Variants in PPARGC1A observed in about 807,000 individuals in gnomAD.
PPARGC1A encodes peroxisome proliferator-activated receptor gamma coactivator 1-alpha.
PPARGC1A carries 25 observed loss-of-function variants against 88.7 expected under a neutral mutation model. That is an observed-to-expected ratio of 0.28 (90% CI 0.21 to 0.39). The LOEUF (loss-of-function observed/expected upper bound fraction) is 0.39. PPARGC1A is among the 10% of genes least tolerant of loss of function. The probability of loss-of-function intolerance (pLI) is 1.00; values close to 1 mark genes in which losing one functional copy is unlikely to be tolerated. For missense variants in PPARGC1A, 880 were observed against 968.7 expected (o/e 0.91, Z 1.22); for synonymous variants, 363 against 355.6 (o/e 1.02, Z -0.24).
At chr4:23,875,056 A>G (rs1478599170) in intron 2 of PPARGC1A, among the ~76,000 whole-genome samples, 1 of 152,234 alleles carries the variant, frequency 6.6e-6, no homozygotes, top group Non-Finnish European at 1.5e-5. Flanking sequence ...ACAAACCTTG[A>G]CCAACTTTGC....
the PPARGC1A span, among the ~76,000 whole-genome samples, chr4:23,979,865 C>G: frequency 6.6e-6 from 1 of 152,122 alleles, no homozygotes; most frequent in Non-Finnish European, 1.5e-5. Flanking sequence ...TAGTGGATAT[C>G]TCCTCTCTCC....
At chr4:24,444,841 C>T in the PPARGC1A span, among the ~76,000 whole-genome samples, 2 of 152,098 alleles carry the variant, frequency 1.3e-5, no homozygotes. Context: ...ATGGCTTGAG[C>T]ACAGGGGTTT....
the PPARGC1A span, among the ~76,000 whole-genome samples, chr4:24,081,051 T>C: frequency 6.6e-6 from 1 of 152,108 alleles, no homozygotes; most frequent in African/African-American, 2.4e-5. Flanking sequence ...ACATTAATGA[T>C]GCAAGAAAAG....
the PPARGC1A span, among the ~76,000 whole-genome samples, chr4:24,125,530 C>T: frequency 6.6e-6 from 1 of 152,174 alleles, no homozygotes; most frequent in Non-Finnish European, 1.5e-5. Flanking sequence ...CCAGTCTACT[C>T]CCATTGATGC....
At chr4:24,448,820 A>C in the PPARGC1A span, among the ~76,000 whole-genome samples, 2 of 152,186 alleles carry the variant, frequency 1.3e-5, no homozygotes, top group South Asian at 4.1e-4. Context: ...AAAATTAGGG[A>C]AGAAGGGAGG....
chr4:23,908,293 TCTCA>T (rs145866161), upstream of PPARGC1A, among the ~76,000 whole-genome samples: 725 of 152,300 alleles, frequency 4.8e-3, 33 homozygotes, highest in East Asian at 0.098. Context: ...TGCAGTAATT[TCTCA>T]CTCAGAATAA....
chr4:24,072,441 C>T, the PPARGC1A span, among the ~76,000 whole-genome samples: 1 of 151,686 alleles, frequency 6.6e-6, no homozygotes, highest in Non-Finnish European at 1.5e-5. Context: ...CTTCTGATGC[C>T]ATATTTTCTA....
chr4:24,259,714 G>A, the PPARGC1A span, among the ~76,000 whole-genome samples: 5 of 152,088 alleles, frequency 3.3e-5, no homozygotes, highest in Admixed American at 3.3e-4. Context: ...GGCACTCCAC[G>A]AATATCGATT....
At chr4:23,817,059 G>A (rs550160353) in intron 7 of PPARGC1A, among the ~76,000 whole-genome samples, 3 of 152,132 alleles carry the variant, frequency 2.0e-5, no homozygotes, top group East Asian at 3.9e-4. Flanking sequence ...AGTGTCTGCC[G>A]CACGCCACTT....
chr4:24,049,308 G>GTGTGTATATATATA, the PPARGC1A span, among the ~76,000 whole-genome samples: 63 of 139,550 alleles, frequency 4.5e-4, no homozygotes, highest in South Asian at 2.4e-3. Flanking sequence ...ATATATGTGT[G>GTGTGTATATATATA]TATATATATA....
chr4:23,798,027 C>A (rs1057395888), intron 12 of PPARGC1A, among the ~76,000 whole-genome samples: 2 of 152,144 alleles, frequency 1.3e-5, no homozygotes, highest in African/African-American at 4.8e-5. Context: ...CTCATCCTGG[C>A]TCAAAAGCTC....
chr4:24,090,208 T>C, the PPARGC1A span, among the ~76,000 whole-genome samples: 5 of 152,280 alleles, frequency 3.3e-5, no homozygotes, highest in South Asian at 4.1e-4. Context: ...CCATAAAATA[T>C]TTGAATATCT....
At chr4:24,471,467 G>A in the PPARGC1A span, among the ~76,000 whole-genome samples, 1 of 152,154 alleles carries the variant, frequency 6.6e-6, no homozygotes. The surrounding 1 kb of genome is among the most constrained non-coding windows in gnomAD (Gnocchi z 5.4). Context: ...AGCGGTGGGG[G>A]CAGCAGACTA....
At chr4:24,387,876 G>GAGAA in the PPARGC1A span, among the ~76,000 whole-genome samples, 223 of 88,562 alleles carry the variant, frequency 2.5e-3, 20 homozygotes, top group East Asian at 0.061. Context: ...AAGGAAGAAA[G>GAGAA]AGAAAGAAAG....
chr4:24,287,175 C>G, the PPARGC1A span, among the ~76,000 whole-genome samples: 6 of 151,144 alleles, frequency 4.0e-5, no homozygotes, highest in South Asian at 1.3e-3. Context: ...CTACTAGATG[C>G]CAGTATTACC....
chr4:24,264,250 A>T, the PPARGC1A span, among the ~76,000 whole-genome samples: 14 of 151,274 alleles, frequency 9.3e-5, no homozygotes, highest in Non-Finnish European at 2.1e-4. Flanking sequence ...TGGCATACCC[A>T]TGTTGTTCAA....
chr4:24,243,222 G>A, the PPARGC1A span, among the ~76,000 whole-genome samples: 23 of 152,124 alleles, frequency 1.5e-4, no homozygotes, highest in African/African-American at 5.6e-4. Context: ...CTCCTTGAGT[G>A]CAGAAGCTAT....
At chr4:23,910,397 T>C in the PPARGC1A span, among the ~76,000 whole-genome samples, 1 of 113,468 alleles carries the variant, frequency 8.8e-6, no homozygotes, top group Non-Finnish European at 1.7e-5. Context: ...ATATATATTA[T>C]ATATATATTA....
At chr4:23,998,580 A>G in the PPARGC1A span, among the ~76,000 whole-genome samples, 1 of 152,342 alleles carries the variant, frequency 6.6e-6, no homozygotes, top group East Asian at 1.9e-4. Context: ...GAAACCTAGA[A>G]TAACACAACC....
Sources: gnomAD v4.1 joint callset for allele counts (sites outside exome capture counted in the v4.1 genomes callset) on GRCh38, gnomAD v4.1.1 for gene constraint, Gnocchi (gnomAD v3.1) non-coding constraint, MANE v1.5 for transcripts, NCBI Gene and HGNC (gene_info 2026-07-23, HGNC 2026-07-21) for gene names.